CYS1: variants seen among roughly 807,000 people sequenced by gnomAD.
CYS1 encodes cystin-1.
CYS1 carries 5 observed loss-of-function variants against 9.6 expected under a neutral mutation model. The ratio of observed to expected loss-of-function variants is 0.52; its 90% CI spans 0.27 to 1.10. CYS1 has a LOEUF of 1.10. Among genes scored for constraint, CYS1 ranks in the 50% least tolerant of loss-of-function variants. The probability of loss-of-function intolerance (pLI) is 0.11; values close to 1 mark genes in which losing one functional copy is unlikely to be tolerated. For missense variants in CYS1, 221 were observed against 207.9 expected (o/e 1.06, Z -0.39); for synonymous variants, 88 against 95.7 (o/e 0.92, Z 0.47).
intron 2 of CYS1, among the ~76,000 whole-genome samples, chr2:10,065,003 A>G (rs1386603654): frequency 6.6e-6 from 1 of 151,716 alleles, no homozygotes; most frequent in Non-Finnish European, 1.5e-5. Flanking sequence ...AGGCCTCCCA[A>G]ATTGCTGGGA....
Position 10,063,690 on chromosome 2 carries a change from C to G in CYS1, c.371+2214G>C, listed in dbSNP as rs1288381321. Among the ~76,000 whole-genome samples, 3 of 152,138 alleles carry G rather than the reference C, an allele frequency of 2.0e-5. No homozygotes were observed. Among genetic ancestry groups the G allele is most frequent in the Non-Finnish European group, 4.4e-5 (3 of 68,032 alleles). On this transcript the variant is annotated intron_variant, in intron 2 of 2. Transcript: ENST00000381813. The surrounding 1 kb of genome is among the most constrained non-coding windows in gnomAD (Gnocchi z 4.2). The stretch of plus-strand genomic sequence containing the variant: ...GTGAGGCACTGGTACCCAAGAGCTG[C>G]ACGCTGGGGGGCTGAGACTGGCCTG...
At chr2:10,067,392 A>T (rs994279632) in intron 1 of CYS1, among the ~76,000 whole-genome samples, 46 of 146,836 alleles carry the variant, frequency 3.1e-4, no homozygotes, top group South Asian at 4.3e-4. Flanking sequence ...TATACATTTT[A>T]AAAAAATTCT....
chr2:10,077,961 T>C (rs1661878503), intron 1 of CYS1, among the ~76,000 whole-genome samples: 1 of 151,564 alleles, frequency 6.6e-6, no homozygotes, highest in South Asian at 2.1e-4. Flanking sequence ...AATACAAAAA[T>C]TGGGCGTGGT....
chr2:10,065,603 C>A, intron 2 of CYS1, among the ~76,000 whole-genome samples: 1 of 152,204 alleles, frequency 6.6e-6, no homozygotes, highest in South Asian at 2.1e-4. Flanking sequence ...CAGCATGGCA[C>A]CTGAATATTT....
chr2:10,071,954 G>T, intron 1 of CYS1, among the ~76,000 whole-genome samples: 1 of 152,154 alleles, frequency 6.6e-6, no homozygotes, highest in East Asian at 1.9e-4. Flanking sequence ...GATTCTAGGG[G>T]GGCTTTGGAA....
In CYS1 at chr2:10,063,084, G is replaced by C. The variant is rs531797125; in HGVS notation, c.371+2820C>G. On this transcript the variant is annotated intron_variant, in intron 2 of 2. Coordinates refer to ENST00000381813, the MANE Select transcript of CYS1 (RefSeq NM_001037160.3). The surrounding 1 kb of genome is among the most constrained non-coding windows in gnomAD (Gnocchi z 4.2). ...GGCCCTCCCGGGGGAAGGACCTGGC[G>C]TTGTCAGGATGGTCAGGACTGGGGT... is the stretch of plus-strand genomic sequence containing the variant. Among the ~76,000 whole-genome samples the C allele has an allele frequency of 6.6e-6, 1 of 152,242 alleles. No individual in the cohort carries two copies. Among genetic ancestry groups the C allele is most frequent in the African/African-American group, 2.4e-5 (1 of 41,462 alleles).
At chr2:10,065,593 C>T (rs920503934) in intron 2 of CYS1, among the ~76,000 whole-genome samples, 1 of 152,246 alleles carries the variant, frequency 6.6e-6, no homozygotes, top group Admixed American at 6.5e-5. Flanking sequence ...CCACAGCGCA[C>T]AGCATGGCAC....
chr2:10,075,881 C>T (rs1661835809), intron 1 of CYS1, among the ~76,000 whole-genome samples: 2 of 152,170 alleles, frequency 1.3e-5, no homozygotes, highest in East Asian at 1.9e-4. Context: ...TGAATTACCA[C>T]CTGCTAATAA....
rs1430877317 is a variant in CYS1, at chr2:10,076,715, C to T, written c.318+3191G>A. ...TTTGAACAGCGTGCTCAACCCCTGGCCTCGTCCCACGTTAGTTCACATACA... is the reference window on the plus strand; with the variant it reads ...TTTGAACAGCGTGCTCAACCCCTGGTCTCGTCCCACGTTAGTTCACATACA... On this transcript the variant is annotated intron_variant, in intron 1 of 2. Coordinates refer to ENST00000381813, the MANE Select transcript of CYS1 (RefSeq NM_001037160.3). The surrounding 1 kb of genome is among the most constrained non-coding windows in gnomAD (Gnocchi z 4.3). Among the ~76,000 whole-genome samples the T allele has an allele frequency of 6.6e-6, 1 of 152,194 alleles. No homozygotes were observed. Among genetic ancestry groups the T allele is most frequent in the East Asian group, 1.9e-4 (1 of 5,196 alleles).
Position 10,063,374 on chromosome 2 carries a change from A to T in CYS1, c.371+2530T>A, listed in dbSNP as rs1661653843. On this transcript the variant is annotated intron_variant, in intron 2 of 2. Coordinates refer to ENST00000381813, the MANE Select transcript of CYS1 (RefSeq NM_001037160.3). This position sits in a 1 kb window ranked among gnomAD's most constrained non-coding sequence, Gnocchi z 4.2. ...AGGAAGGGGATAGAGTATGAGGGGG[A>T]GATGTTTAAACTGTGCTTTGAAGGG... is the stretch of plus-strand genomic sequence containing the variant. Among the ~76,000 whole-genome samples, 1 of 152,142 alleles carries T rather than the reference A, an allele frequency of 6.6e-6. No individual in the cohort carries two copies. Among genetic ancestry groups the T allele is most frequent in the Non-Finnish European group, 1.5e-5 (1 of 68,030 alleles).
intron 2 of CYS1, 30 bp from the exon 3 acceptor site, chr2:10,058,988 A>G: frequency 6.5e-7 from 1 of 1,548,318 alleles, no homozygotes; most frequent in African/African-American, 1.4e-5. Context: ...CAGGGCTGTC[A>G]GGAGGCAGGA....
intron 2 of CYS1, among the ~76,000 whole-genome samples, chr2:10,061,751 G>T (rs1661631290): frequency 6.6e-6 from 1 of 152,136 alleles, no homozygotes; most frequent in African/African-American, 2.4e-5. Context: ...GCTCCACTGG[G>T]CTCCACAGCC....
In CYS1 at chr2:10,064,865, G is replaced by A. The variant is rs151215940; in HGVS notation, c.371+1039C>T. On this transcript the variant is annotated intron_variant, in intron 2 of 2. Transcript: ENST00000381813. The stretch of plus-strand genomic sequence containing the variant: ...CCGGAGTAGCTGGGATTACAGGTGC[G>A]CACCACTGTGCCCGGCTAATTTTTG... Among the ~76,000 whole-genome samples, 625 of 150,992 alleles carry A rather than the reference G, an allele frequency of 4.1e-3. 6 individuals carry two copies. Among genetic ancestry groups the A allele is most frequent in the African/African-American group, 0.015 (599 of 41,148 alleles).
chr2:10,078,020 C>G (rs560978497), intron 1 of CYS1, among the ~76,000 whole-genome samples: 152 of 151,814 alleles, frequency 1.0e-3, no homozygotes, highest in Non-Finnish European at 1.8e-3. Context: ...GCAAGAGAAT[C>G]GCTTGAACCT....
Position 10,065,980 on chromosome 2 carries a change from A to G in CYS1, c.319-24T>C, listed in dbSNP as rs200708612. The G allele has an allele frequency of 2.3e-4, 365 of 1,613,908 alleles. 3 individuals are homozygous for G. The highest frequency in any genetic ancestry group is 8.3e-5 in the Admixed American group (5 of 59,994). ...ACCTTGAGAAAGATGAAATGAAGAG[A>G]CATTCAAAGATTGTCAACAGTGCAG... On this transcript the variant is annotated intron_variant, in intron 1 of 2. Coordinates refer to ENST00000381813, the MANE Select transcript of CYS1 (RefSeq NM_001037160.3).
chr2:10,061,260 AC>A (rs1558356704), intron 2 of CYS1, among the ~76,000 whole-genome samples: 1 of 152,052 alleles, frequency 6.6e-6, no homozygotes, highest in Non-Finnish European at 1.5e-5. Context: ...AACCAAACAA[AC>A]AAACAAAAAG....
intron 2 of CYS1, among the ~76,000 whole-genome samples, chr2:10,064,035 C>A (rs969851222): frequency 1.3e-5 from 2 of 152,152 alleles, no homozygotes; most frequent in Non-Finnish European, 2.9e-5. Flanking sequence ...CCAGCCTGGC[C>A]AACTTGGCGA....
intron 1 of CYS1, among the ~76,000 whole-genome samples, chr2:10,071,499 A>C (rs1043718910): frequency 1.3e-5 from 2 of 152,250 alleles, no homozygotes; most frequent in African/African-American, 4.8e-5. Flanking sequence ...ACGGCCCCCC[A>C]GAGCGGACGC....
At chr2:10,070,167 C>T (rs925898955) in intron 1 of CYS1, among the ~76,000 whole-genome samples, 1 of 152,106 alleles carries the variant, frequency 6.6e-6, no homozygotes, top group African/African-American at 2.4e-5. Flanking sequence ...GAAGGGATCG[C>T]GACAACAGCG....
Sources: gnomAD v4.1 joint callset for allele counts (sites outside exome capture counted in the v4.1 genomes callset) on GRCh38, gnomAD v4.1.1 for gene constraint, Gnocchi (gnomAD v3.1) non-coding constraint, MANE v1.5 for transcripts, NCBI Gene and HGNC (gene_info 2026-07-23, HGNC 2026-07-21) for gene names.